Variants in SMYD3 observed in about 807,000 individuals in gnomAD.
SMYD3 encodes SET and MYND domain containing 3.
A neutral mutation model predicts 57.7 loss-of-function variants in SMYD3; 36 were observed. That is an observed-to-expected ratio of 0.62 (90% CI 0.48 to 0.82). The LOEUF is 0.82. Among genes scored for constraint, SMYD3 ranks in the 40% least tolerant of loss-of-function variants. The probability of loss-of-function intolerance (pLI) is 0.00; values close to 1 mark genes in which losing one functional copy is unlikely to be tolerated. For missense variants in SMYD3, 515 were observed against 538.8 expected, an observed-to-expected ratio of 0.96 and a Z score of 0.44; for synonymous variants, 211 against 195.0, an observed-to-expected ratio of 1.08 and a Z score of -0.68.
intron 5 of SMYD3, among the ~76,000 whole-genome samples, chr1:245,963,566 C>T (rs1259465222): frequency 2.0e-5 from 3 of 151,192 alleles, no homozygotes; most frequent in Admixed American, 6.6e-5. Context: ...AGCAGGGCCT[C>T]GCAGTGAGTA....
At chr1:246,404,505 T>G (rs10754515) in intron 1 of SMYD3, among the ~76,000 whole-genome samples, 121,771 of 152,108 alleles carry the variant, frequency 0.8, 50,252 homozygotes, top group Non-Finnish European at 0.9. Flanking sequence ...AGTCCCATCA[T>G]CTATATGTAT....
At chr1:246,174,874 C>T (rs926062401) in intron 5 of SMYD3, among the ~76,000 whole-genome samples, 25 of 152,286 alleles carry the variant, frequency 1.6e-4, no homozygotes, top group Non-Finnish European at 3.1e-4. Context: ...ACTGAAATAA[C>T]GTTTGCTCTG....
intron 5 of SMYD3, among the ~76,000 whole-genome samples, chr1:246,239,042 G>C (rs1014434272): frequency 9.2e-5 from 14 of 152,080 alleles, no homozygotes; most frequent in African/African-American, 3.4e-4. Flanking sequence ...AAAGCAACGG[G>C]AGGCAGCTGC....
At chr1:245,969,860 T>C (rs537961349) in intron 5 of SMYD3, among the ~76,000 whole-genome samples, 68 of 152,192 alleles carry the variant, frequency 4.5e-4, no homozygotes, top group Non-Finnish European at 7.9e-4. Context: ...AAACCAAGTG[T>C]CTCTAAAAAG....
chr1:246,423,569 C>T lies in SMYD3; in HGVS notation c.165-68475G>A, dbSNP rs965751897. The stretch of plus-strand genomic sequence containing the variant: ...GTTTTAAAGTAGTCAGATGTGGAGA[C>T]GCACACCTGCAGCCCCAGCTACCCA... On this transcript the variant is annotated intron_variant, in intron 1 of 11. Coordinates refer to ENST00000490107, the MANE Select transcript of SMYD3 (RefSeq NM_001167740.2). Among the ~76,000 whole-genome samples, 9 of 152,104 alleles carry T rather than the reference C, an allele frequency of 5.9e-5. No individual in the cohort carries two copies. The East Asian group carries it at 7.7e-4, about 13-fold the overall frequency.
intron 10 of SMYD3, 26 bp from the exon 11 acceptor site, chr1:245,764,175 T>C (rs2045972327): frequency 3.3e-6 from 5 of 1,507,248 alleles, no homozygotes; most frequent in Non-Finnish European, 4.6e-6. Context: ...CGGCAAACAG[T>C]GTCAGCAGCC....
intron 1 of SMYD3, among the ~76,000 whole-genome samples, chr1:246,456,959 A>C (rs2067708253): frequency 6.6e-6 from 1 of 152,216 alleles, no homozygotes; most frequent in Admixed American, 6.5e-5. Context: ...CTCTAGGTTA[A>C]AGAAAATGGT....
At chr1:245,874,209 T>C (rs1393272970) in intron 8 of SMYD3, among the ~76,000 whole-genome samples, 1 of 152,208 alleles carries the variant, frequency 6.6e-6, no homozygotes, top group Non-Finnish European at 1.5e-5. Flanking sequence ...TGGTACTACC[T>C]TCTGCCAAAC....
chr1:246,285,703 G>C (rs571667887), intron 5 of SMYD3, among the ~76,000 whole-genome samples: 2 of 152,156 alleles, frequency 1.3e-5, no homozygotes, highest in African/African-American at 4.8e-5. Flanking sequence ...AGAGTAAACA[G>C]ACAACCCACA....
chr1:246,080,592 G>A (rs921560170), intron 5 of SMYD3, among the ~76,000 whole-genome samples: 4 of 152,020 alleles, frequency 2.6e-5, no homozygotes, highest in African/African-American at 9.7e-5. Context: ...TTAAGAAAAC[G>A]GGAGACTCTA....
intron 5 of SMYD3, among the ~76,000 whole-genome samples, chr1:246,305,605 T>C (rs2064965914): frequency 6.6e-6 from 1 of 152,166 alleles, no homozygotes; most frequent in Non-Finnish European, 1.5e-5. Flanking sequence ...ATATAGCTAT[T>C]TGAAGAAGAT....
intron 1 of SMYD3, among the ~76,000 whole-genome samples, chr1:246,436,942 C>T (rs370057272): frequency 6.1e-4 from 91 of 150,196 alleles, no homozygotes; most frequent in African/African-American, 2.1e-3. Context: ...CACTCTCGCC[C>T]AGACTGAAGT....
chr1:246,237,238 A>G (rs2063527591), intron 5 of SMYD3, among the ~76,000 whole-genome samples: 1 of 152,164 alleles, frequency 6.6e-6, no homozygotes. Flanking sequence ...ATCTCAGTCT[A>G]TCAAAAAAAC....
At chr1:245,753,253 A>T (rs78222195) in intron 11 of SMYD3, among the ~76,000 whole-genome samples, 1 of 148,976 alleles carries the variant, frequency 6.7e-6, no homozygotes, top group Non-Finnish European at 1.5e-5. Context: ...AAGCAACTGA[A>T]AAAAAAAAAA....
intron 5 of SMYD3, among the ~76,000 whole-genome samples, chr1:246,119,246 C>T (rs2061387415): frequency 6.6e-6 from 1 of 152,002 alleles, no homozygotes. Context: ...TATCCTTCCA[C>T]CTTGGCCTCC....
intron 1 of SMYD3, among the ~76,000 whole-genome samples, chr1:246,452,013 T>C (rs1389718748): frequency 1.3e-5 from 2 of 152,238 alleles, no homozygotes; most frequent in Non-Finnish European, 2.9e-5. Flanking sequence ...CCACTGTTTC[T>C]TCATCTGTGA....
intron 5 of SMYD3, among the ~76,000 whole-genome samples, chr1:246,185,106 A>C (rs1200341875): frequency 3.3e-5 from 5 of 152,258 alleles, no homozygotes; most frequent in Non-Finnish European, 5.9e-5. Flanking sequence ...CATTTTCTAT[A>C]AGCACTAATG....
chr1:245,799,690 G>A (rs1195103013), intron 10 of SMYD3, among the ~76,000 whole-genome samples: 1 of 152,204 alleles, frequency 6.6e-6, no homozygotes, highest in African/African-American at 2.4e-5. Context: ...TGGTAGAGGA[G>A]GCATCTGTCT....
intron 5 of SMYD3, among the ~76,000 whole-genome samples, chr1:246,240,118 GC>G (rs2063582110): frequency 6.6e-6 from 1 of 152,034 alleles, no homozygotes; most frequent in South Asian, 2.1e-4. Flanking sequence ...GTCTACTTTG[GC>G]TTTTGTTTCC....
Sources: gnomAD v4.1 joint callset for allele counts (sites outside exome capture counted in the v4.1 genomes callset) on GRCh38, gnomAD v4.1.1 for gene constraint, MANE v1.5 for transcripts, NCBI Gene and HGNC (gene_info 2026-07-23, HGNC 2026-07-21) for gene names.